The following MYRIP variants were observed in gnomAD, a reference collection of about 807,000 sequenced individuals.
MYRIP encodes the protein rab effector MyRIP.
In MYRIP, 49 loss-of-function variants were observed where a neutral mutation model predicts 98.0. The ratio of observed to expected loss-of-function variants is 0.50; its 90% CI spans 0.40 to 0.63. The LOEUF (loss-of-function observed/expected upper bound fraction) is 0.63. Ranked by LOEUF, MYRIP falls within the 30% of genes least tolerant of loss-of-function variation. The pLI is 0.00. For synonymous variants in MYRIP, 404 were observed against 409.5 expected (o/e 0.99, Z 0.16); for missense variants, 1,004 against 1,058.2 (o/e 0.95, Z 0.71).
chr3:39,986,457 T>C (rs1490794893), intron 2 of MYRIP, among the ~76,000 whole-genome samples: 1 of 144,464 alleles, frequency 6.9e-6, no homozygotes, highest in Non-Finnish European at 1.5e-5. Context: ...TCTCTCTCCC[T>C]CTCTCTCTCT....
intron 1 of MYRIP, among the ~76,000 whole-genome samples, chr3:39,847,563 G>A (rs1353897397): frequency 6.6e-6 from 1 of 152,102 alleles, no homozygotes; most frequent in African/African-American, 2.4e-5. Flanking sequence ...TACCTCAACA[G>A]GTCATAGTTC....
intron 1 of MYRIP, among the ~76,000 whole-genome samples, chr3:39,857,360 T>C (rs1314197153): frequency 6.6e-6 from 1 of 151,966 alleles, no homozygotes; most frequent in Non-Finnish European, 1.5e-5. Flanking sequence ...AAAAGACAGC[T>C]AAAGGAAATT....
At chr3:40,112,762 G>A (rs1949186369) in intron 3 of MYRIP, among the ~76,000 whole-genome samples, 1 of 152,182 alleles carries the variant, frequency 6.6e-6, no homozygotes, top group African/African-American at 2.4e-5. Context: ...CAGACCAACT[G>A]TCAGAAAGTT....
chr3:39,861,065 A>G (rs1461211722), intron 1 of MYRIP, among the ~76,000 whole-genome samples: 1 of 152,222 alleles, frequency 6.6e-6, no homozygotes, highest in African/African-American at 2.4e-5. Flanking sequence ...CCACTAGTGG[A>G]GCGCTTTGGC....
intron 4 of MYRIP, among the ~76,000 whole-genome samples, chr3:40,157,761 A>C (rs1400477535): frequency 6.7e-6 from 1 of 149,428 alleles, no homozygotes; most frequent in Non-Finnish European, 1.5e-5. Context: ...CATTTCTTCT[A>C]GATTTTCTAG....
chr3:39,864,134 T>C (rs1006919893), intron 1 of MYRIP, among the ~76,000 whole-genome samples: 1 of 152,164 alleles, frequency 6.6e-6, no homozygotes, highest in African/African-American at 2.4e-5. Context: ...AAACTAGGCA[T>C]TGAGGGAACA....
chr3:39,852,824 A>T (rs904921895), intron 1 of MYRIP, among the ~76,000 whole-genome samples: 2 of 151,978 alleles, frequency 1.3e-5, no homozygotes, highest in African/African-American at 4.8e-5. Context: ...CTCTGTTGCC[A>T]GACTGGAGTG....
At chr3:40,147,602 A>G (rs1950036147) in intron 3 of MYRIP, among the ~76,000 whole-genome samples, 1 of 152,176 alleles carries the variant, frequency 6.6e-6, no homozygotes, top group African/African-American at 2.4e-5. Context: ...TACTTGAAAA[A>G]TGGGTCATCA....
At chr3:40,148,211 T>C (rs1253953672) in intron 3 of MYRIP, among the ~76,000 whole-genome samples, 1 of 152,222 alleles carries the variant, frequency 6.6e-6, no homozygotes, top group African/African-American at 2.4e-5. Context: ...GTTCTCCTTA[T>C]CTTTGAGGAT....
At chr3:40,078,036 C>T (rs1214069328) in intron 3 of MYRIP, among the ~76,000 whole-genome samples, 1 of 152,232 alleles carries the variant, frequency 6.6e-6, no homozygotes, top group East Asian at 1.9e-4. Context: ...GTGGGAGGCT[C>T]AGGCATGGCG....
intron 2 of MYRIP, among the ~76,000 whole-genome samples, chr3:39,923,286 A>G (rs1390218637): frequency 1.3e-5 from 2 of 152,128 alleles, no homozygotes; most frequent in Non-Finnish European, 2.9e-5. Flanking sequence ...ACTTGAAGAA[A>G]TAATGGCTGA....
chr3:40,042,624 T>C (rs1024464602), intron 2 of MYRIP, among the ~76,000 whole-genome samples: 1 of 151,920 alleles, frequency 6.6e-6, no homozygotes, highest in Non-Finnish European at 1.5e-5. Flanking sequence ...AAAATAAAAA[T>C]AGTAGTAAAG....
At chr3:40,192,132 A>G (rs999125146) in intron 10 of MYRIP, among the ~76,000 whole-genome samples, 1 of 149,458 alleles carries the variant, frequency 6.7e-6, no homozygotes, top group East Asian at 2.0e-4. Flanking sequence ...TATTATTATC[A>G]TTATTTTTAA....
intron 4 of MYRIP, among the ~76,000 whole-genome samples, chr3:40,162,426 C>T (rs1429566775): frequency 6.6e-6 from 1 of 152,172 alleles, no homozygotes; most frequent in Admixed American, 6.5e-5. Context: ...AGGAATTGAC[C>T]TTACATCTCT....
chr3:39,818,250 T>C (rs1462535911), intron 1 of MYRIP, among the ~76,000 whole-genome samples: 1 of 152,224 alleles, frequency 6.6e-6, no homozygotes, highest in Non-Finnish European at 1.5e-5. Flanking sequence ...CAGAAAAGTT[T>C]ATAAATTTAT....
intron 10 of MYRIP, among the ~76,000 whole-genome samples, chr3:40,204,018 A>G (rs1291810834): frequency 0.063 from 444 of 7,008 alleles, 95 homozygotes; most frequent in Middle Eastern, 0.17. Context: ...TATATATAAT[A>G]TATATTATAT....
intron 1 of MYRIP, among the ~76,000 whole-genome samples, chr3:39,822,956 G>T (rs1941148757): frequency 6.7e-6 from 1 of 149,980 alleles, no homozygotes; most frequent in Non-Finnish European, 1.5e-5. Context: ...TGGACACTTG[G>T]CTCTTGTGAA....
intron 12 of MYRIP, among the ~76,000 whole-genome samples, chr3:40,238,125 T>G (rs1952872997): frequency 6.6e-6 from 1 of 152,258 alleles, no homozygotes; most frequent in Non-Finnish European, 1.5e-5. Flanking sequence ...ATGCCTCTCC[T>G]GTTCCCAAAC....
intron 2 of MYRIP, among the ~76,000 whole-genome samples, chr3:39,909,582 A>G (rs1943967068): frequency 6.6e-6 from 1 of 152,186 alleles, no homozygotes; most frequent in African/African-American, 2.4e-5. Flanking sequence ...GGAGGGGGCT[A>G]GGAAAAGGAA....
Sources: gnomAD v4.1 joint callset for allele counts (sites outside exome capture counted in the v4.1 genomes callset) on GRCh38, gnomAD v4.1.1 for gene constraint, MANE v1.5 for transcripts, NCBI Gene and HGNC (gene_info 2026-07-23, HGNC 2026-07-21) for gene names.